The following NKAIN3 variants were observed in gnomAD, a reference collection of about 807,000 sequenced individuals.
NKAIN3 encodes sodium/potassium-transporting ATPase subunit beta-1-interacting protein 3.
Under a neutral mutation model 30.2 loss-of-function variants are expected in NKAIN3, and 25 were observed. The observed-to-expected ratio is 0.83, with a 90% CI of 0.60 to 1.16. NKAIN3 has a LOEUF of 1.16. NKAIN3 is among the 50% of genes most tolerant of loss of function. The pLI, the probability that NKAIN3 is intolerant of heterozygous loss-of-function variation, is 0.00. For missense variants in NKAIN3, 225 were observed against 254.1 expected (o/e 0.89, Z 0.78); for synonymous variants, 91 against 89.6 (o/e 1.02, Z -0.09).
At position 62,318,827 on chromosome 8, in the gene NKAIN3, T is replaced by C. The variant is rs1585673362; in HGVS notation, c.54+69700T>C. ...GTTGTGTCTCTGCCAGGCTTTGGTATCAGGATGATGCTGGCCTCATAAAAT... is the reference window on the plus strand; with the variant it reads ...GTTGTGTCTCTGCCAGGCTTTGGTACCAGGATGATGCTGGCCTCATAAAAT... On this transcript the variant is annotated intron_variant, in intron 1 of 6. Transcript: ENST00000623646. 2.0e-5 allele frequency among the ~76,000 whole-genome samples: 3 copies of C among 152,304 alleles called. No homozygotes were observed. In the East Asian group the frequency reaches 5.8e-4, roughly 29 times the overall value.
At chr8:62,652,015 G>T (rs1046764712) in intron 3 of NKAIN3, among the ~76,000 whole-genome samples, 1 of 152,062 alleles carries the variant, frequency 6.6e-6, no homozygotes, top group Non-Finnish European at 1.5e-5. Context: ...CCAGTCTCAG[G>T]TCATAGCAAC....
At chr8:62,418,236 A>G (rs1187256684) in intron 1 of NKAIN3, among the ~76,000 whole-genome samples, 5 of 152,310 alleles carry the variant, frequency 3.3e-5, no homozygotes, top group East Asian at 1.9e-4. Context: ...TCATAGAGCT[A>G]TCATAAGAGG....
At chr8:62,296,108 G>A (rs1252160555) in intron 1 of NKAIN3, among the ~76,000 whole-genome samples, 1 of 152,136 alleles carries the variant, frequency 6.6e-6, no homozygotes, top group Non-Finnish European at 1.5e-5. Flanking sequence ...GTAATTCCAC[G>A]TGGACCTAAA....
At chr8:62,878,594 G>A (rs1332904811) in intron 4 of NKAIN3, among the ~76,000 whole-genome samples, 1 of 151,986 alleles carries the variant, frequency 6.6e-6, no homozygotes, top group Non-Finnish European at 1.5e-5. Flanking sequence ...CATGTGCCAT[G>A]TTGGTGTGCT....
intron 1 of NKAIN3, among the ~76,000 whole-genome samples, chr8:62,394,246 A>AT (rs200045906): frequency 0.035 from 5,330 of 151,050 alleles, 346 homozygotes; most frequent in African/African-American, 0.12. Context: ...TTCTCATTAC[A>AT]TTTTTTTTTA....
At chr8:62,869,492 G>T (rs541329255) in intron 4 of NKAIN3, among the ~76,000 whole-genome samples, 160 of 152,318 alleles carry the variant, frequency 1.1e-3, no homozygotes, top group Admixed American at 1.8e-3. Context: ...TAGAAGAAAA[G>T]AAAATTGTTT....
At chr8:62,279,719 T>C (rs1813103869) in intron 1 of NKAIN3, among the ~76,000 whole-genome samples, 1 of 152,216 alleles carries the variant, frequency 6.6e-6, no homozygotes, top group African/African-American at 2.4e-5. Flanking sequence ...CTCTGTTCTG[T>C]TCCATTGGTC....
chr8:62,863,439 G>A, intron 4 of NKAIN3: 1 of 1,555,422 alleles, frequency 6.4e-7, no homozygotes, highest in South Asian at 1.1e-5. Context: ...TGGTCTTACT[G>A]TGTAGATATT....
intron 3 of NKAIN3, among the ~76,000 whole-genome samples, chr8:62,707,082 C>T (rs1047298794): frequency 1.3e-5 from 2 of 151,724 alleles, no homozygotes; most frequent in Non-Finnish European, 2.9e-5. Flanking sequence ...CACACACACA[C>T]ACACGCACAT....
intron 4 of NKAIN3, among the ~76,000 whole-genome samples, chr8:62,849,205 T>C (rs1002948722): frequency 3.2e-4 from 49 of 152,148 alleles, no homozygotes; most frequent in African/African-American, 1.1e-3. Context: ...TCCCTCCTTT[T>C]CAATTTTTTG....
intron 1 of NKAIN3, among the ~76,000 whole-genome samples, chr8:62,384,775 A>G (rs1488351905): frequency 6.6e-6 from 1 of 152,076 alleles, no homozygotes; most frequent in East Asian, 1.9e-4. Flanking sequence ...ATATGCAAAG[A>G]CTCTAGAATT....
chr8:62,768,962 AG>A (rs1816935051), intron 4 of NKAIN3, among the ~76,000 whole-genome samples: 1 of 152,202 alleles, frequency 6.6e-6, no homozygotes, highest in Non-Finnish European at 1.5e-5. Flanking sequence ...ATATATTCAA[AG>A]TATTTTCATT....
intron 4 of NKAIN3, among the ~76,000 whole-genome samples, chr8:62,892,327 C>CT (rs1821319162): frequency 6.6e-6 from 1 of 152,200 alleles, no homozygotes; most frequent in African/African-American, 2.4e-5. Flanking sequence ...TGCAAAATCT[C>CT]TTTCTAAATC....
chr8:62,440,905 G>A (rs1232027941), intron 1 of NKAIN3, among the ~76,000 whole-genome samples: 1 of 152,000 alleles, frequency 6.6e-6, no homozygotes, highest in African/African-American at 2.4e-5. Context: ...ATCCTAATTT[G>A]TTTCGACTGC....
At chr8:62,543,820 G>C (rs561327123) in intron 1 of NKAIN3, among the ~76,000 whole-genome samples, 1 of 152,164 alleles carries the variant, frequency 6.6e-6, no homozygotes, top group South Asian at 2.1e-4. Context: ...AAATATAACT[G>C]TTATGCTTCT....
intron 5 of NKAIN3, among the ~76,000 whole-genome samples, chr8:62,998,233 G>T (rs1212563194): frequency 6.6e-6 from 1 of 152,058 alleles, no homozygotes; most frequent in Non-Finnish European, 1.5e-5. Flanking sequence ...TAAAGCAAAA[G>T]CTAAGTGTAG....
At chr8:62,479,494 T>C (rs943031419) in intron 1 of NKAIN3, among the ~76,000 whole-genome samples, 2 of 152,178 alleles carry the variant, frequency 1.3e-5, no homozygotes, top group Non-Finnish European at 2.9e-5. Context: ...TGTATTGTCA[T>C]GGCTAAGACT....
intron 3 of NKAIN3, among the ~76,000 whole-genome samples, chr8:62,691,710 C>T (rs934402980): frequency 2.0e-5 from 3 of 152,170 alleles, no homozygotes; most frequent in African/African-American, 7.2e-5. Context: ...AGGAAAGAAA[C>T]TACTTTGTTT....
intron 1 of NKAIN3, among the ~76,000 whole-genome samples, chr8:62,337,910 C>T (rs771551116): frequency 2.0e-5 from 3 of 152,096 alleles, no homozygotes; most frequent in South Asian, 2.1e-4. Context: ...CCTTGTGAGT[C>T]GCTGTTGCAC....
Sources: allele counts gnomAD v4.1 joint callset (sites outside exome capture counted in the v4.1 genomes callset), GRCh38; gene constraint gnomAD v4.1.1; transcripts MANE v1.5; gene names NCBI Gene and HGNC (gene_info 2026-07-23, HGNC 2026-07-21).